RYR2: variants seen among roughly 807,000 people sequenced by gnomAD.
RYR2 encodes the protein cardiac muscle ryanodine receptor-calcium release channel.
RYR2 carries 227 observed loss-of-function variants against 601.1 expected under a neutral mutation model. The ratio of observed to expected loss-of-function variants is 0.38; its 90% CI spans 0.34 to 0.42. RYR2 has a LOEUF of 0.42. RYR2 is among the 10% of genes least tolerant of loss of function. The pLI is 1.00. For synonymous variants in RYR2, 2,223 were observed against 2,175.1 expected (o/e 1.02, Z -0.61); for missense variants, 4,646 against 6,156.5 (o/e 0.75, Z 8.21).
intron 35 of RYR2, among the ~76,000 whole-genome samples, chr1:237,602,777 T>C (rs1260764003): frequency 6.6e-6 from 1 of 152,160 alleles, no homozygotes; most frequent in African/African-American, 2.4e-5. Flanking sequence ...TTAGCATCTA[T>C]TACATAGACA....
At chr1:237,326,217 C>T (rs2149546405) in intron 2 of RYR2, among the ~76,000 whole-genome samples, 1 of 151,864 alleles carries the variant, frequency 6.6e-6, no homozygotes. Flanking sequence ...TTTTTTTCCC[C>T]CTCTAAGACT....
intron 96 of RYR2, among the ~76,000 whole-genome samples, chr1:237,797,255 G>GAAAT (rs1659364424): frequency 6.6e-6 from 1 of 152,108 alleles, no homozygotes; most frequent in Non-Finnish European, 1.5e-5. Flanking sequence ...GGACAGAAGA[G>GAAAT]AAATAAGCAA....
chr1:237,583,218 G>T (rs1674133588), intron 29 of RYR2, among the ~76,000 whole-genome samples: 1 of 152,050 alleles, frequency 6.6e-6, no homozygotes, highest in Admixed American at 6.6e-5. Flanking sequence ...CTGCTTGTAT[G>T]TCTTCTTTTG....
chr1:237,611,853 A>G (rs1391147170), intron 36 of RYR2, among the ~76,000 whole-genome samples: 2 of 152,166 alleles, frequency 1.3e-5, no homozygotes, highest in Non-Finnish European at 1.5e-5. Context: ...TATGCTTTGG[A>G]AAACAGTTTG....
chr1:237,711,737 C>T lies in RYR2; in HGVS notation c.10231-8C>T. 1 of 1,521,458 alleles carries T rather than the reference C, an allele frequency of 6.6e-7. No individual in the cohort carries two copies. Among genetic ancestry groups the T allele is most frequent in the Non-Finnish European group, 9.1e-7 (1 of 1,102,702 alleles). 94.2% of individuals were successfully genotyped at this position (1,521,458 alleles called of 1,614,324 possible). A position where few individuals can be genotyped will look rare whatever the true frequency, so the allele number is the denominator to read the frequency against. On this transcript the variant is annotated splice_polypyrimidine_tract_variant and splice_region_variant and intron_variant, in intron 70 of 104. Transcript: ENST00000366574. ...GTTTTAACTGAAATTTCCTTTGCAA[C>T]TTCTCAGAATTTCAAAAGAGAAGAG...
chr1:237,337,445 A>T (rs1326008994), intron 3 of RYR2, among the ~76,000 whole-genome samples: 2 of 152,340 alleles, frequency 1.3e-5, no homozygotes, highest in Admixed American at 1.3e-4. Flanking sequence ...AGAGCAAAAG[A>T]TGAAGAAGAT....
chr1:237,193,193 C>G (rs1365687394), intron 1 of RYR2, among the ~76,000 whole-genome samples: 1 of 56,630 alleles, frequency 1.8e-5, no homozygotes, highest in Non-Finnish European at 3.8e-5. Context: ...AGGCCGGGTG[C>G]GGTGGCTCAA....
intron 1 of RYR2, among the ~76,000 whole-genome samples, chr1:237,230,520 T>C (rs1684872748): frequency 6.6e-6 from 1 of 152,238 alleles, no homozygotes; most frequent in African/African-American, 2.4e-5. Flanking sequence ...GTATTCTGTT[T>C]TTCAAGAAAC....
intron 1 of RYR2, among the ~76,000 whole-genome samples, chr1:237,135,669 C>T (rs915032666): frequency 3.9e-5 from 6 of 152,122 alleles, no homozygotes; most frequent in African/African-American, 1.4e-4. Context: ...AGCCACCGCG[C>T]CCGGCCCCCC....
chr1:237,171,786 C>T (rs1677423456), intron 1 of RYR2, among the ~76,000 whole-genome samples: 1 of 152,180 alleles, frequency 6.6e-6, no homozygotes. Context: ...TTTTGCCACA[C>T]ACCCAGTGAG....
intron 36 of RYR2, among the ~76,000 whole-genome samples, chr1:237,611,630 C>T (rs1356672314): frequency 1.3e-5 from 2 of 152,090 alleles, no homozygotes; most frequent in Non-Finnish European, 2.9e-5. Context: ...CAATAAGGAG[C>T]TAAGTTTCTA....
intron 84 of RYR2, 83 bp downstream of exon 84, chr1:237,761,111 A>G: frequency 1.3e-6 from 1 of 780,790 alleles, no homozygotes; most frequent in Non-Finnish European, 2.1e-6. Context: ...TTTCAAGTAG[A>G]GAGATAAGAA....
intron 60 of RYR2, among the ~76,000 whole-genome samples, chr1:237,676,175 G>T (rs1439469339): frequency 1.3e-5 from 2 of 152,076 alleles, no homozygotes; most frequent in African/African-American, 2.4e-5. Context: ...TCTTGTTTTT[G>T]GAGAAACAAG....
At chr1:237,588,045 T>G in intron 29 of RYR2, among the ~76,000 whole-genome samples, 1 of 152,250 alleles carries the variant, frequency 6.6e-6, no homozygotes, top group East Asian at 1.9e-4. Flanking sequence ...ATTTGATTTC[T>G]TTTTATTTGA....
chr1:237,376,059 T>C (rs1324043023), intron 7 of RYR2, among the ~76,000 whole-genome samples: 1 of 152,214 alleles, frequency 6.6e-6, no homozygotes, highest in African/African-American at 2.4e-5. Flanking sequence ...AGATAATTTT[T>C]TCTTCCTTCT....
At chr1:237,455,009 G>A (rs1658637018) in intron 15 of RYR2, among the ~76,000 whole-genome samples, 2 of 152,148 alleles carry the variant, frequency 1.3e-5, no homozygotes, top group Non-Finnish European at 2.9e-5. Flanking sequence ...GGGGATGGAA[G>A]CTGTCAGGAG....
chr1:237,465,227 A>G (rs1484786435), intron 16 of RYR2, among the ~76,000 whole-genome samples: 1 of 146,654 alleles, frequency 6.8e-6, no homozygotes, highest in South Asian at 2.2e-4. Flanking sequence ...ACTCATTAAC[A>G]GATTTCCTGA....
At chr1:237,686,321 G>A (rs907333528) in intron 62 of RYR2, among the ~76,000 whole-genome samples, 1 of 152,160 alleles carries the variant, frequency 6.6e-6, no homozygotes, top group African/African-American at 2.4e-5. Flanking sequence ...AAGAGCGTGA[G>A]TAGATTTGAA....
Position 237,530,128 on chromosome 1 carries a change from G to A in RYR2, c.2823-299G>A, listed in dbSNP as rs2779363. Among the ~76,000 whole-genome samples the A allele has an allele frequency of 0.44, 66,130 of 151,638 alleles. 14,544 individuals are homozygous for A. The highest frequency in any genetic ancestry group is 0.55 in the East Asian group (2,796 of 5,108). ...AGATCGAGACCATCCTGGCTAACAC[G>A]GTGAAACCCCGTCTCTACTAAAAAT... On this transcript the variant is annotated intron_variant, in intron 24 of 104. Transcript: ENST00000366574.
Sources: allele counts gnomAD v4.1 joint callset (sites outside exome capture counted in the v4.1 genomes callset), GRCh38; gene constraint gnomAD v4.1.1; transcripts MANE v1.5; gene names NCBI Gene and HGNC (gene_info 2026-07-23, HGNC 2026-07-21).